ELOVL7: variants seen among roughly 807,000 people sequenced by gnomAD.
ELOVL7 encodes ELOVL fatty acid elongase 7, also known as very long chain fatty acid elongase 7.
Under a neutral mutation model 35.7 loss-of-function variants are expected in ELOVL7, and 27 were observed. That is an observed-to-expected ratio of 0.76 (90% CI 0.56 to 1.04). ELOVL7 has a LOEUF of 1.04. Among genes scored for constraint, ELOVL7 ranks in the 50% least tolerant of loss-of-function variants. ELOVL7 has a pLI of 0.00. For synonymous variants in ELOVL7, 113 were observed against 114.6 expected, an observed-to-expected ratio of 0.99 and a Z score of 0.09; for missense variants, 327 against 340.8, an observed-to-expected ratio of 0.96 and a Z score of 0.32.
At chr5:60,838,237 C>T (rs1158875076) in intron 1 of ELOVL7, among the ~76,000 whole-genome samples, 2 of 152,138 alleles carry the variant, frequency 1.3e-5, no homozygotes. Flanking sequence ...AAAGTATCTG[C>T]ATCTCCCTGA....
intron 1 of ELOVL7, among the ~76,000 whole-genome samples, chr5:60,834,146 T>C (rs920980401): frequency 3.9e-5 from 6 of 152,142 alleles, no homozygotes; most frequent in African/African-American, 1.2e-4. Flanking sequence ...TGGTTCACAT[T>C]ATTTTTTTTT....
chr5:60,823,270 C>T (rs530676952), intron 1 of ELOVL7, among the ~76,000 whole-genome samples: 5 of 152,062 alleles, frequency 3.3e-5, no homozygotes, highest in East Asian at 1.9e-4. Context: ...AGAAGGAAAA[C>T]GGGAAAGAAG....
chr5:60,791,207 G>A (rs1006061493), intron 2 of ELOVL7, among the ~76,000 whole-genome samples: 1 of 152,078 alleles, frequency 6.6e-6, no homozygotes, highest in African/African-American at 2.4e-5. Context: ...AACTCCTTGG[G>A]CTCAAGCAGT....
intron 1 of ELOVL7, among the ~76,000 whole-genome samples, chr5:60,820,720 A>G (rs975474149): frequency 2.0e-5 from 3 of 152,120 alleles, no homozygotes; most frequent in Admixed American, 2.0e-4. Context: ...CCTGATCACA[A>G]ATCAGAAACT....
chr5:60,760,323 T>C (rs1741822663), intron 7 of ELOVL7, among the ~76,000 whole-genome samples: 3 of 152,342 alleles, frequency 2.0e-5, no homozygotes, highest in Admixed American at 1.3e-4. Context: ...CTTTTAATGA[T>C]TGCCATTCTA....
intron 4 of ELOVL7, among the ~76,000 whole-genome samples, chr5:60,771,446 A>G (rs568917960): frequency 1.6e-4 from 25 of 152,310 alleles, no homozygotes; most frequent in African/African-American, 4.8e-4. Flanking sequence ...TAAACTAACC[A>G]AAACAGTCTA....
chr5:60,825,146 C>A (rs989989754), intron 1 of ELOVL7, among the ~76,000 whole-genome samples: 1 of 152,070 alleles, frequency 6.6e-6, no homozygotes, highest in Non-Finnish European at 1.5e-5. Context: ...GTGATCCACC[C>A]AAAGTGCTGG....
At chr5:60,808,248 G>A (rs1745058358) in intron 1 of ELOVL7, among the ~76,000 whole-genome samples, 1 of 151,520 alleles carries the variant, frequency 6.6e-6, no homozygotes, top group Non-Finnish European at 1.5e-5. Context: ...AGGGTAATTG[G>A]TCTTTCTAAA....
intron 1 of ELOVL7, among the ~76,000 whole-genome samples, chr5:60,828,749 A>C (rs1407295342): frequency 6.6e-6 from 1 of 152,226 alleles, no homozygotes; most frequent in African/African-American, 2.4e-5. Flanking sequence ...AGCAATAAGC[A>C]CAGCTAAATA....
chr5:60,764,645 TA>T (rs35867687), intron 6 of ELOVL7, among the ~76,000 whole-genome samples: 18 of 151,516 alleles, frequency 1.2e-4, no homozygotes, highest in Admixed American at 9.9e-4. Context: ...ATTGTATTGA[TA>T]AAAAAAAATT....
At position 60,754,563 on chromosome 5, in the gene ELOVL7, A is replaced by G. The variant is rs567732981; in HGVS notation, c.*61T>C. 18 of 1,458,760 alleles carry G rather than the reference A, an allele frequency of 1.2e-5. No individual in the cohort carries two copies. The highest frequency in any genetic ancestry group is 1.7e-5 in the Non-Finnish European group (18 of 1,043,046). 90.4% of individuals were successfully genotyped at this position (1,458,760 alleles called of 1,614,324 possible). A position where few individuals can be genotyped will look rare whatever the true frequency, so the allele number is the denominator to read the frequency against. On this transcript the variant is annotated 3_prime_UTR_variant, in exon 9 of 9. Coordinates refer to ENST00000508821, the MANE Select transcript of ELOVL7 (RefSeq NM_024930.3). ...TATACAAAATGCACTGCATAGGTAA[A>G]TATCTCTTGATTGTCAAGGAAGACA... is the stretch of plus-strand genomic sequence containing the variant.
chr5:60,794,935 G>A (rs1744157253), intron 2 of ELOVL7, among the ~76,000 whole-genome samples: 1 of 152,180 alleles, frequency 6.6e-6, no homozygotes, highest in East Asian at 1.9e-4. Context: ...GGGAAGATTT[G>A]TCTGGCCTCA....
At chr5:60,767,802 T>C in intron 5 of ELOVL7, 21 bp downstream of exon 5, 1 of 1,598,322 alleles carries the variant, frequency 6.3e-7, no homozygotes, top group South Asian at 1.1e-5. Context: ...GAATTTCAAG[T>C]TTTTCCAAAG....
chr5:60,842,671 A>C (rs1747246986), intron 1 of ELOVL7, among the ~76,000 whole-genome samples: 1 of 152,104 alleles, frequency 6.6e-6, no homozygotes, highest in Admixed American at 6.6e-5. Flanking sequence ...GCAGTGTAGG[A>C]CAGTGGTTAA....
At chr5:60,811,602 T>C (rs1015460649) in intron 1 of ELOVL7, among the ~76,000 whole-genome samples, 5 of 152,184 alleles carry the variant, frequency 3.3e-5, no homozygotes, top group African/African-American at 4.8e-5. Context: ...TTCATGGATG[T>C]ATGGATTAAC....
At chr5:60,787,503 T>A (rs1298158170) in intron 2 of ELOVL7, 72 bp from the exon 3 acceptor site, 1 of 816,070 alleles carries the variant, frequency 1.2e-6, no homozygotes. Context: ...TAGTAATACA[T>A]TATTTAAAAT....
intron 1 of ELOVL7, among the ~76,000 whole-genome samples, chr5:60,803,942 G>C (rs553438807): frequency 3.3e-5 from 5 of 151,990 alleles, no homozygotes; most frequent in Non-Finnish European, 5.9e-5. Context: ...TTCATAAAGG[G>C]ATTAAGACTT....
intron 4 of ELOVL7, among the ~76,000 whole-genome samples, chr5:60,771,510 TGAC>T (rs1157146654): frequency 1.3e-5 from 2 of 152,200 alleles, no homozygotes; most frequent in Non-Finnish European, 2.9e-5. Context: ...ACCATGATGA[TGAC>T]AACTTTTTAC....
chr5:60,835,862 A>G (rs1175363416), intron 1 of ELOVL7, among the ~76,000 whole-genome samples: 2 of 152,060 alleles, frequency 1.3e-5, no homozygotes, highest in African/African-American at 4.8e-5. Flanking sequence ...TATCTATCAC[A>G]ATAACAAATA....
Sources: gnomAD v4.1 joint callset for allele counts (sites outside exome capture counted in the v4.1 genomes callset) on GRCh38, gnomAD v4.1.1 for gene constraint, MANE v1.5 for transcripts, NCBI Gene and HGNC (gene_info 2026-07-23, HGNC 2026-07-21) for gene names.